The following ANKRD36 variants were observed in gnomAD, a reference collection of about 807,000 sequenced individuals.
ANKRD36 encodes the protein ankyrin repeat domain 36, also known as ankyrin repeat domain-containing protein 36A.
ANKRD36 carries 179 observed loss-of-function variants against 278.1 expected under a neutral mutation model. The ratio of observed to expected loss-of-function variants is 0.64; its 90% CI spans 0.57 to 0.73. The LOEUF (loss-of-function observed/expected upper bound fraction) is 0.73. Ranked by LOEUF, ANKRD36 falls within the 30% of genes least tolerant of loss-of-function variation. ANKRD36 has a pLI of 0.00. For missense variants in ANKRD36, 1,159 were observed against 1,956.7 expected (o/e 0.59, Z 7.69); for synonymous variants, 320 against 641.1 (o/e 0.50, Z 7.57).
intron 52 of ANKRD36, 63 bp from the exon 53 acceptor site, chr2:97,207,748 G>A (rs1241615180): frequency 2.1e-5 from 33 of 1,541,620 alleles, no homozygotes; most frequent in Middle Eastern, 2.3e-4. Flanking sequence ...AACACTGTAT[G>A]AATGTATGGA....
rs1450045617 is a variant in ANKRD36, at chr2:97,152,565, T to A, written c.1193+31T>A. On this transcript the variant is annotated intron_variant, in intron 14 of 75. Coordinates refer to ENST00000420699, the MANE Select transcript of ANKRD36 (RefSeq NM_001354587.1). ...ATTTCAGAGATTTTTTAAAGTGATA[T>A]GTTAACTAAGTGAATAGAGAGAAGA... The A allele has an allele frequency of 2.5e-5, 36 of 1,455,382 alleles. 4 individuals carry two copies. The highest frequency in any genetic ancestry group is 3.2e-5 in the Non-Finnish European group (35 of 1,076,996). 90.2% of individuals were successfully genotyped at this position (1,455,382 alleles called of 1,614,324 possible). A position where few individuals can be genotyped will look rare whatever the true frequency, so the allele number is the denominator to read the frequency against.
chr2:97,170,198 G>T (rs2052006648), intron 22 of ANKRD36, among the ~76,000 whole-genome samples: 1 of 151,778 alleles, frequency 6.6e-6, no homozygotes, highest in Admixed American at 6.6e-5. Flanking sequence ...TTTAATAAAT[G>T]ATGTTGGGAA....
intron 58 of ANKRD36, among the ~76,000 whole-genome samples, chr2:97,212,270 A>C (rs1459757086): frequency 3.3e-5 from 5 of 151,928 alleles, no homozygotes; most frequent in Non-Finnish European, 7.4e-5. Flanking sequence ...AGGAAACCTC[A>C]GTGAACTCAC....
intron 51 of ANKRD36, 35 bp from the exon 52 acceptor site, chr2:97,206,028 T>A (rs1575907757): frequency 7.8e-6 from 12 of 1,542,542 alleles, no homozygotes; most frequent in African/African-American, 6.9e-5. Flanking sequence ...AAACATACTT[T>A]ATTTATTTAT....
chr2:97,125,002 C>T (rs1201243472), intron 5 of ANKRD36, among the ~76,000 whole-genome samples: 1 of 151,728 alleles, frequency 6.6e-6, no homozygotes, highest in Non-Finnish European at 1.5e-5. Context: ...TACTGGGGAC[C>T]ATCTACTATA....
rs775480516 is a variant in ANKRD36 at position 97,211,672 on chromosome 2, A to G, written c.3400A>G (p.Ile1134Val). Residue 1134 changes from isoleucine (I) to valine (V), a missense_variant, in exon 58 of 76, where the codon ATC becomes GTC. Physicochemically the swap from Ile to Val is conservative, Grantham distance 29 (BLOSUM62 3). Transcript: ENST00000420699. ...TTTTGTTTCAAATTCTATTCAGGCT[A>G]TCTGTGACAAGGAAGATTCTGTTCC... ...SSPKQPALKAICDKEDSVPNM... is the reference protein window; with the variant it reads ...SSPKQPALKAVCDKEDSVPNM... The G allele has an allele frequency of 3.1e-5, 49 of 1,593,612 alleles. No individual in the cohort carries two copies. The highest frequency in any genetic ancestry group is 1.7e-4 in the Middle Eastern group (1 of 6,044).
chr2:97,196,512 T>A, intron 40 of ANKRD36, 81 bp from the exon 41 acceptor site: 1 of 1,586,920 alleles, frequency 6.3e-7, no homozygotes, highest in Middle Eastern at 2.2e-4. Context: ...AGGACAGAGG[T>A]TGATGCTAAC....
intron 22 of ANKRD36, among the ~76,000 whole-genome samples, chr2:97,174,760 G>T (rs1198419610): frequency 1.3e-5 from 2 of 151,912 alleles, no homozygotes; most frequent in Non-Finnish European, 2.9e-5. Flanking sequence ...TTGACTGTGG[G>T]TTTGTCATAG....
At chr2:97,168,211 C>G (rs988415251) in intron 22 of ANKRD36, among the ~76,000 whole-genome samples, 1 of 152,310 alleles carries the variant, frequency 6.6e-6, no homozygotes, top group African/African-American at 2.4e-5. Context: ...TTCACCCAAT[C>G]ACATGCTCTG....
At chr2:97,225,864 G>C (rs1164143336) in intron 67 of ANKRD36, among the ~76,000 whole-genome samples, 1 of 150,886 alleles carries the variant, frequency 6.6e-6, no homozygotes, top group Non-Finnish European at 1.5e-5. Context: ...CTATGAGTGA[G>C]AACATGCAGT....
chr2:97,199,767 A>G (rs2153590725), intron 44 of ANKRD36, among the ~76,000 whole-genome samples: 1 of 152,028 alleles, frequency 6.6e-6, no homozygotes, highest in African/African-American at 2.4e-5. Flanking sequence ...AGAGATAATG[A>G]ATATTATGTA....
intron 22 of ANKRD36, among the ~76,000 whole-genome samples, chr2:97,176,196 G>A (rs2054199259): frequency 6.6e-6 from 1 of 151,800 alleles, no homozygotes; most frequent in African/African-American, 2.4e-5. Flanking sequence ...TTTCTCTCTT[G>A]TTGATCTGTC....
At chr2:97,150,288 G>T (rs1201110701) in intron 12 of ANKRD36, among the ~76,000 whole-genome samples, 2 of 151,700 alleles carry the variant, frequency 1.3e-5, no homozygotes, top group Admixed American at 6.6e-5. Flanking sequence ...ATCCACTCAG[G>T]GTCTTTGTAT....
At chr2:97,165,289 GAC>G (rs2050326674) in intron 20 of ANKRD36, among the ~76,000 whole-genome samples, 1 of 152,182 alleles carries the variant, frequency 6.6e-6, no homozygotes, top group African/African-American at 2.4e-5. Context: ...TGTCCAGGTT[GAC>G]ACAGTTTGGT....
chr2:97,121,760 T>C (rs1366290105), intron 3 of ANKRD36, among the ~76,000 whole-genome samples: 1 of 152,088 alleles, frequency 6.6e-6, no homozygotes, highest in African/African-American at 2.4e-5. Flanking sequence ...TTTTTATTTC[T>C]GATTGATATT....
chr2:97,157,152 T>C (rs1314155438), intron 15 of ANKRD36, among the ~76,000 whole-genome samples: 2 of 151,650 alleles, frequency 1.3e-5, no homozygotes, highest in African/African-American at 4.8e-5. Context: ...TCTCTCTCTG[T>C]TTGTAGTAAG....
chr2:97,212,741 C>T (rs957044789), intron 58 of ANKRD36: 1 of 161,050 alleles, frequency 6.2e-6, no homozygotes, highest in Non-Finnish European at 1.4e-5. Context: ...TTTATTGAGG[C>T]TAATATATTA....
At chr2:97,178,713 G>T (rs1359638505) in intron 22 of ANKRD36, among the ~76,000 whole-genome samples, 1 of 151,168 alleles carries the variant, frequency 6.6e-6, no homozygotes, top group Non-Finnish European at 1.5e-5. Context: ...AGCATTGGGA[G>T]ATATACCTAA....
intron 44 of ANKRD36, among the ~76,000 whole-genome samples, chr2:97,199,024 A>C (rs1465869619): frequency 6.6e-6 from 1 of 151,928 alleles, no homozygotes; most frequent in Non-Finnish European, 1.5e-5. Flanking sequence ...ACTGCCAAGA[A>C]AAGACAGAAA....
Sources: allele counts gnomAD v4.1 joint callset (sites outside exome capture counted in the v4.1 genomes callset), GRCh38; gene constraint gnomAD v4.1.1; transcripts MANE v1.5; gene names NCBI Gene and HGNC (gene_info 2026-07-23, HGNC 2026-07-21).